EHBP1: variants seen among roughly 807,000 people sequenced by gnomAD.
EHBP1 encodes EH domain binding protein 1.
Under a neutral mutation model 144.0 loss-of-function variants are expected in EHBP1, and 55 were observed. The ratio of observed to expected loss-of-function variants is 0.38; its 90% CI spans 0.31 to 0.48. EHBP1 has a LOEUF of 0.48. Among genes scored for constraint, EHBP1 ranks in the 20% least tolerant of loss-of-function variants. The pLI is 0.98. For missense variants in EHBP1, 1,200 were observed against 1,364.2 expected (o/e 0.88, Z 1.90); for synonymous variants, 469 against 472.7 (o/e 0.99, Z 0.10).
intron 5 of EHBP1, among the ~76,000 whole-genome samples, chr2:62,794,039 C>CT (rs1553416248): frequency 6.6e-6 from 1 of 152,078 alleles, no homozygotes; most frequent in African/African-American, 2.4e-5. Context: ...TTGTTTAACT[C>CT]TTTCTTTATA....
At chr2:62,839,819 C>G (rs1465206101) in intron 7 of EHBP1, among the ~76,000 whole-genome samples, 3 of 152,152 alleles carry the variant, frequency 2.0e-5, no homozygotes, top group Admixed American at 6.5e-5. Context: ...CTACAAACCA[C>G]TGCTCAAGGA....
intron 7 of EHBP1, among the ~76,000 whole-genome samples, chr2:62,843,901 A>G (rs1009385081): frequency 8.5e-5 from 13 of 152,202 alleles, no homozygotes; most frequent in African/African-American, 3.1e-4. Flanking sequence ...TACAGTTTGT[A>G]TTAACTCTTC....
rs766806597 is a variant in EHBP1, at chr2:63,036,835, G to A, written c.3104-700G>A. 5.3e-5 allele frequency among the ~76,000 whole-genome samples: 8 copies of A among 151,792 alleles called. No individual in the cohort carries two copies. The East Asian group carries it at 5.8e-4, about 11-fold the overall frequency. ...ATTAGATGATGGGATGGATATTAGC[G>A]ATGGAGAATTTTAAGTATCTCCTGT... On this transcript the variant is annotated intron_variant, in intron 19 of 22. Coordinates refer to ENST00000431489, the MANE Select transcript of EHBP1 (RefSeq NM_001142616.3).
At chr2:62,875,213 G>C (rs564450259) in intron 10 of EHBP1, among the ~76,000 whole-genome samples, 3 of 152,214 alleles carry the variant, frequency 2.0e-5, no homozygotes, top group Non-Finnish European at 4.4e-5. Flanking sequence ...CCACCCCGAT[G>C]AAATGCTTTT....
intron 9 of EHBP1, among the ~76,000 whole-genome samples, chr2:62,865,554 C>G (rs1443014119): frequency 6.6e-6 from 1 of 152,204 alleles, no homozygotes; most frequent in African/African-American, 2.4e-5. Context: ...CATGTGGCTA[C>G]AGACCATGAC....
chr2:62,958,665 A>G (rs541576554), intron 14 of EHBP1, among the ~76,000 whole-genome samples: 1 of 152,346 alleles, frequency 6.6e-6, no homozygotes, highest in Non-Finnish European at 1.5e-5. Flanking sequence ...AAATGGGTGC[A>G]TATTACTAGA....
chr2:62,995,398 T>C (rs2059590353), intron 18 of EHBP1, among the ~76,000 whole-genome samples: 1 of 152,088 alleles, frequency 6.6e-6, no homozygotes, highest in Non-Finnish European at 1.5e-5. Context: ...TACAAATTAC[T>C]TACCAGTTCA....
At chr2:62,838,603 TAAAG>T (rs2047507103) in intron 7 of EHBP1, among the ~76,000 whole-genome samples, 1 of 149,062 alleles carries the variant, frequency 6.7e-6, no homozygotes, top group Non-Finnish European at 1.5e-5. Flanking sequence ...GCAAGACTAA[TAAAG>T]AAAAAAAGAG....
intron 14 of EHBP1, among the ~76,000 whole-genome samples, chr2:62,962,914 A>T (rs779272868): frequency 6.6e-6 from 1 of 152,206 alleles, no homozygotes; most frequent in Non-Finnish European, 1.5e-5. Flanking sequence ...CTAACATTTA[A>T]TCTGTTAGCA....
rs991318364 is a variant in EHBP1 at position 62,784,812 on chromosome 2, C to T, written c.312+13420C>T. The stretch of plus-strand genomic sequence containing the variant: ...CTATGGATGGCCTTGTGTGCCATAC[C>T]GAGGAATTTGAACTTTATCCTAGCA... On this transcript the variant is annotated intron_variant, in intron 5 of 22. Coordinates refer to ENST00000431489, the MANE Select transcript of EHBP1 (RefSeq NM_001142616.3). Among the ~76,000 whole-genome samples the T allele has an allele frequency of 3.9e-5, 6 of 151,942 alleles. No homozygotes were observed. The South Asian group carries it at 6.2e-4, about 16-fold the overall frequency.
chr2:62,958,430 G>T lies in EHBP1; in HGVS notation c.2460+2770G>T, dbSNP rs190724020. Among the ~76,000 whole-genome samples, 62 of 152,238 alleles carry T rather than the reference G, an allele frequency of 4.1e-4. 1 individual carries two copies. The highest frequency in any genetic ancestry group is 4.0e-3 in the Admixed American group (61 of 15,272). Reference sequence around the variant, plus strand: ...ATGCACAATAATGTAAATGAATCTTGGAGATATTATGCTGCGAACACAAAA... The same window carrying T: ...ATGCACAATAATGTAAATGAATCTTTGAGATATTATGCTGCGAACACAAAA... On this transcript the variant is annotated intron_variant, in intron 14 of 22. Transcript: ENST00000431489.
At chr2:62,774,460 C>T (rs1467828415) in intron 5 of EHBP1, among the ~76,000 whole-genome samples, 3 of 151,606 alleles carry the variant, frequency 2.0e-5, no homozygotes, top group Non-Finnish European at 4.4e-5. Context: ...TATAAGTAGA[C>T]GTTGCATTTT....
intron 19 of EHBP1, among the ~76,000 whole-genome samples, chr2:63,024,982 C>T (rs1468350504): frequency 6.6e-6 from 1 of 150,574 alleles, no homozygotes; most frequent in Non-Finnish European, 1.5e-5. Flanking sequence ...GGCAACAGAG[C>T]GAGATCCACT....
chr2:62,829,738 A>G (rs2046660593), intron 6 of EHBP1, among the ~76,000 whole-genome samples: 1 of 147,094 alleles, frequency 6.8e-6, no homozygotes, highest in African/African-American at 2.5e-5. Flanking sequence ...ATAATTATTT[A>G]TATATTTATA....
At chr2:62,940,167 C>G in intron 10 of EHBP1, 1 of 374,300 alleles carries the variant, frequency 2.7e-6, no homozygotes, top group South Asian at 2.4e-5. Flanking sequence ...TGGAATCACT[C>G]CCAGAAGAGC....
intron 5 of EHBP1, among the ~76,000 whole-genome samples, chr2:62,804,155 TG>T (rs2044263737): frequency 6.6e-6 from 1 of 152,228 alleles, no homozygotes; most frequent in African/African-American, 2.4e-5. Flanking sequence ...AAAAATAGTT[TG>T]GCACAATTTT....
rs553817866 is a variant in EHBP1 at position 62,889,128 on chromosome 2, A to G, written c.1185+14596A>G. Among the ~76,000 whole-genome samples, 6 of 124,090 alleles carry G rather than the reference A, an allele frequency of 4.8e-5. No homozygotes were observed. In the East Asian group the frequency reaches 9.8e-4, roughly 20 times the overall value. 81.4% of individuals were successfully genotyped at this position (124,090 alleles called of 152,430 possible). A position where few individuals can be genotyped will look rare whatever the true frequency, so the allele number is the denominator to read the frequency against. On this transcript the variant is annotated intron_variant, in intron 10 of 22. Transcript: ENST00000431489. ...GCCCAAGCTGGAGTGCAGTGGGGCAATCTCAGCTCACTGCAACCTCTGCTT... is the reference window on the plus strand; with the variant it reads ...GCCCAAGCTGGAGTGCAGTGGGGCAGTCTCAGCTCACTGCAACCTCTGCTT...
intron 2 of EHBP1, among the ~76,000 whole-genome samples, chr2:62,714,324 C>T (rs1410141349): frequency 6.6e-6 from 1 of 152,210 alleles, no homozygotes; most frequent in African/African-American, 2.4e-5. Flanking sequence ...TAGCACCTTT[C>T]TGTGTTCTCT....
intron 6 of EHBP1, among the ~76,000 whole-genome samples, chr2:62,829,316 G>A (rs2046601274): frequency 6.6e-6 from 1 of 151,890 alleles, no homozygotes; most frequent in South Asian, 2.1e-4. Flanking sequence ...CTCTTGAGCA[G>A]TGTACACGGT....
Sources: gnomAD v4.1 joint callset for allele counts (sites outside exome capture counted in the v4.1 genomes callset) on GRCh38, gnomAD v4.1.1 for gene constraint, MANE v1.5 for transcripts, NCBI Gene and HGNC (gene_info 2026-07-23, HGNC 2026-07-21) for gene names.